The following DNAH11 variants were observed in gnomAD, a reference collection of about 807,000 sequenced individuals.
The protein encoded by DNAH11 is dynein axonemal heavy chain 11, also known as axonemal beta dynein heavy chain 11.
A neutral mutation model predicts 526.0 loss-of-function variants in DNAH11; 442 were observed. That is an observed-to-expected ratio of 0.84 (90% CI 0.78 to 0.91). DNAH11 has a LOEUF of 0.91. Among genes scored for constraint, DNAH11 ranks in the 40% least tolerant of loss-of-function variants. The pLI is 0.00. For synonymous variants in DNAH11, 2,461 were observed against 1,935.9 expected (o/e 1.27, Z -7.12); for missense variants, 6,989 against 5,448.7 (o/e 1.28, Z -8.90).
intron 65 of DNAH11, among the ~76,000 whole-genome samples, chr7:21,834,184 G>A (rs1388561567): frequency 6.6e-6 from 1 of 151,990 alleles, no homozygotes; most frequent in Non-Finnish European, 1.5e-5. Flanking sequence ...AATAAAACTA[G>A]AAATCAATAA....
chr7:21,575,490 C>T (rs945501273), intron 8 of DNAH11, among the ~76,000 whole-genome samples: 3 of 152,164 alleles, frequency 2.0e-5, no homozygotes, highest in Non-Finnish European at 4.4e-5. Context: ...TATTCTTTTG[C>T]TATTTATGTA....
chr7:21,815,874 C>T (rs2127999823), intron 63 of DNAH11, among the ~76,000 whole-genome samples: 1 of 152,254 alleles, frequency 6.6e-6, no homozygotes, highest in Non-Finnish European at 1.5e-5. Flanking sequence ...TCGATTGCCC[C>T]TCCCCAACCC....
rs1784663725 is a variant in DNAH11, at chr7:21,591,167, G to C, written c.2275-18G>C. 2.6e-6 allele frequency: 4 copies of C among 1,521,290 alleles called. No individual in the cohort carries two copies. The highest frequency in any genetic ancestry group is 1.4e-5 in the African/African-American group (1 of 71,518). The allele number at this position is 1,521,290 out of a possible 1,614,324, so 94.2% of individuals were successfully genotyped here. ...TAACATATTTGGCACTTTTTGTTTT[G>C]GGGTTTTCTTTGCTCAGTACATTGG... On this transcript the variant is annotated intron_variant, in intron 13 of 81. Coordinates refer to ENST00000409508, the MANE Select transcript of DNAH11 (RefSeq NM_001277115.2).
At chr7:21,847,469 T>G (rs1207578074) in intron 66 of DNAH11, among the ~76,000 whole-genome samples, 1 of 152,266 alleles carries the variant, frequency 6.6e-6, no homozygotes, top group Non-Finnish European at 1.5e-5. Flanking sequence ...CTGTGTTGTT[T>G]AATCTCCAAA....
At position 21,831,477 on chromosome 7, in the gene DNAH11, T is replaced by C. The variant is rs77520904; in HGVS notation, c.10692-11067T>C. Among the ~76,000 whole-genome samples, 4 of 152,314 alleles carry C rather than the reference T, an allele frequency of 2.6e-5. No individual in the cohort carries two copies. In the East Asian group the frequency reaches 7.7e-4, roughly 29 times the overall value. Reference sequence around the variant, plus strand: ...CTCTCATAGATCATAAACACCCCAATTGAGTATAATTTACTATCCCTGGGA... The same window carrying C: ...CTCTCATAGATCATAAACACCCCAACTGAGTATAATTTACTATCCCTGGGA... On this transcript the variant is annotated intron_variant, in intron 65 of 81. Transcript: ENST00000409508.
chr7:21,554,247 C>T (rs192642335), intron 2 of DNAH11, among the ~76,000 whole-genome samples: 28 of 149,780 alleles, frequency 1.9e-4, no homozygotes, highest in African/African-American at 6.9e-4. Context: ...AATCTTGGCT[C>T]ACTGCAACCT....
At chr7:21,873,550 A>C (rs1234183831) in intron 74 of DNAH11, 49 bp downstream of exon 74, 12 of 1,576,270 alleles carry the variant, frequency 7.6e-6, no homozygotes, top group Admixed American at 1.7e-5. Flanking sequence ...GAGTCATCTC[A>C]CAAGACTGTG....
At chr7:21,609,032 A>G (rs1583524850) in intron 20 of DNAH11, among the ~76,000 whole-genome samples, 3 of 152,214 alleles carry the variant, frequency 2.0e-5, no homozygotes, top group African/African-American at 7.2e-5. Flanking sequence ...CTCAGTCCAC[A>G]AGACAGAAAA....
intron 61 of DNAH11, among the ~76,000 whole-genome samples, chr7:21,794,625 C>G (rs1583702967): frequency 3.3e-5 from 5 of 152,240 alleles, no homozygotes; most frequent in Admixed American, 3.3e-4. Context: ...GTGCCTTGTA[C>G]AGTGTGGTGC....
rs143461964 is a variant in DNAH11 at position 21,853,841 on chromosome 7, C to T, written c.11062-474C>T. ...AAGTTAGAATTAGGCATGAGAGTCT[C>T]TATATTAAGGCTTTTTAGTAAGCAT... On this transcript the variant is annotated intron_variant, in intron 67 of 81. Coordinates refer to ENST00000409508, the MANE Select transcript of DNAH11 (RefSeq NM_001277115.2). Among the ~76,000 whole-genome samples, 61 of 152,280 alleles carry T rather than the reference C, an allele frequency of 4.0e-4. 2 individuals carry two copies. In the East Asian group the frequency reaches 0.011, roughly 26 times the overall value.
chr7:21,730,012 C>A (rs948036591), intron 45 of DNAH11, among the ~76,000 whole-genome samples: 1 of 152,166 alleles, frequency 6.6e-6, no homozygotes, highest in Non-Finnish European at 1.5e-5. Flanking sequence ...GAAAATGGAA[C>A]CTTTGCACAC....
intron 20 of DNAH11, among the ~76,000 whole-genome samples, chr7:21,611,480 CTATT>C (rs1785521214): frequency 6.6e-6 from 1 of 152,140 alleles, no homozygotes; most frequent in Non-Finnish European, 1.5e-5. Context: ...CCTCATGTAT[CTATT>C]TATTTTTTCC....
At chr7:21,775,615 CAA>C (rs11325043) in intron 56 of DNAH11, among the ~76,000 whole-genome samples, 15 of 148,232 alleles carry the variant, frequency 1.0e-4, no homozygotes, top group Admixed American at 2.0e-4. Context: ...GACCCTGTCT[CAA>C]AAAAAAAAAA....
Position 21,883,574 on chromosome 7 carries a change from G to A in DNAH11, c.12388-717G>A, listed in dbSNP as rs112511289. Among the ~76,000 whole-genome samples, 332 of 152,320 alleles carry A rather than the reference G, an allele frequency of 2.2e-3. 2 individuals are homozygous for A. Among genetic ancestry groups the A allele is most frequent in the African/African-American group, 7.8e-3 (323 of 41,566 alleles). On this transcript the variant is annotated intron_variant, in intron 75 of 81. Transcript: ENST00000409508. ...CACCCCAAATTCAAATTGTGTGGAT[G>A]TTGCTTTCTTTTCCTGAATCAGATA...
intron 76 of DNAH11, among the ~76,000 whole-genome samples, chr7:21,886,091 G>T (rs1003272778): frequency 1.3e-5 from 2 of 152,102 alleles, no homozygotes; most frequent in African/African-American, 4.8e-5. Context: ...CCAGTTGGGC[G>T]AGACACCAAC....
intron 55 of DNAH11, among the ~76,000 whole-genome samples, chr7:21,767,654 G>A (rs967904133): frequency 6.6e-6 from 1 of 152,166 alleles, no homozygotes; most frequent in Non-Finnish European, 1.5e-5. Flanking sequence ...TCATTTCAGT[G>A]CAAGCTGCTT....
intron 43 of DNAH11, among the ~76,000 whole-genome samples, chr7:21,719,740 T>C (rs1784803891): frequency 6.6e-6 from 1 of 152,252 alleles, no homozygotes; most frequent in South Asian, 2.1e-4. Context: ...CCCCATCTTC[T>C]GTGGCAAGGA....
At chr7:21,719,727 T>A (rs1369656758) in intron 43 of DNAH11, among the ~76,000 whole-genome samples, 2 of 152,204 alleles carry the variant, frequency 1.3e-5, no homozygotes, top group Non-Finnish European at 2.9e-5. Flanking sequence ...ATGAAAAGTA[T>A]TTCCCCATCT....
intron 76 of DNAH11, among the ~76,000 whole-genome samples, chr7:21,889,512 C>A (rs1160297085): frequency 6.6e-6 from 1 of 152,182 alleles, no homozygotes; most frequent in African/African-American, 2.4e-5. Flanking sequence ...ATCTTCCCTT[C>A]AGCAATGTAT....
Sources: allele counts gnomAD v4.1 joint callset (sites outside exome capture counted in the v4.1 genomes callset), GRCh38; gene constraint gnomAD v4.1.1; transcripts MANE v1.5; gene names NCBI Gene and HGNC (gene_info 2026-07-23, HGNC 2026-07-21).